The following NAA20 variants were observed in gnomAD, a reference collection of about 807,000 sequenced individuals.
NAA20 encodes the protein N-alpha-acetyltransferase 20, NatB catalytic subunit, also known as N-alpha-acetyltransferase 20.
Under a neutral mutation model 23.8 loss-of-function variants are expected in NAA20, and 24 were observed. The observed-to-expected ratio is 1.01, with a 90% CI of 0.73 to 1.42. The LOEUF (loss-of-function observed/expected upper bound fraction) is 1.42, where lower values mean the gene tolerates loss of function less well. NAA20 is among the 40% of genes most tolerant of loss of function. The pLI is 0.00. For synonymous variants in NAA20, 83 were observed against 77.7 expected, an observed-to-expected ratio of 1.07 and a Z score of -0.36; for missense variants, 166 against 223.1, an observed-to-expected ratio of 0.74 and a Z score of 1.63.
At chr20:20,033,047 A>G in intron 5 of NAA20, 55 bp from the exon 6 acceptor site, 1 of 1,363,840 alleles carries the variant, frequency 7.3e-7, no homozygotes, top group South Asian at 1.2e-5. Context: ...TATACACTTT[A>G]CATTTGATAT....
chr20:20,033,318 G>A lies in NAA20; in HGVS notation c.*131G>A, dbSNP rs1037516689. The A allele has an allele frequency of 1.5e-6, 1 of 658,866 alleles. No homozygotes were observed. 40.8% of individuals were successfully genotyped at this position (658,866 alleles called of 1,614,324 possible). On this transcript the variant is annotated 3_prime_UTR_variant, in exon 6 of 6. Coordinates refer to ENST00000334982, the MANE Select transcript of NAA20 (RefSeq NM_016100.5). ...TCTTAAAGACTTCAAGAAAATACAGGTTATCAATTTATTTTAAATCTCATT... is the reference window on the plus strand; with the variant it reads ...TCTTAAAGACTTCAAGAAAATACAGATTATCAATTTATTTTAAATCTCATT...
At chr20:20,033,058 A>G (rs2043359463) in intron 5 of NAA20, 44 bp from the exon 6 acceptor site, 1 of 1,418,754 alleles carries the variant, frequency 7.0e-7, no homozygotes, top group South Asian at 1.2e-5. Context: ...CATTTGATAT[A>G]ATACATTTTT....
rs1190661998 is a variant in NAA20 at position 20,033,246 on chromosome 20, A to C, written c.*59A>C. On this transcript the variant is annotated 3_prime_UTR_variant, in exon 6 of 6. Coordinates refer to ENST00000334982, the MANE Select transcript of NAA20 (RefSeq NM_016100.5). ...ATGCTTTATGGACAATATTATTTTC[A>C]TTGGATGATTCTGGAGCTCTATTAG... is the stretch of plus-strand genomic sequence containing the variant. The C allele has an allele frequency of 1.5e-6, 2 of 1,361,166 alleles. No individual in the cohort carries two copies. Among genetic ancestry groups the C allele is most frequent in the East Asian group, 4.6e-5 (2 of 43,420 alleles). 84.3% of individuals were successfully genotyped at this position (1,361,166 alleles called of 1,614,324 possible).
intron 2 of NAA20, among the ~76,000 whole-genome samples, chr20:20,025,100 T>A (rs1177269022): frequency 6.6e-6 from 1 of 152,224 alleles, no homozygotes; most frequent in East Asian, 1.9e-4. Flanking sequence ...AAGTCAGCTT[T>A]TATCTGCATT....
intron 1 of NAA20, chr20:20,017,826 T>A (rs2043242008): frequency 6.7e-7 from 1 of 1,499,110 alleles, no homozygotes; most frequent in Admixed American, 2.0e-5. Flanking sequence ...CGCCCTGCCC[T>A]ACTGCTTGCT....
chr20:20,033,458 GTA>G lies in NAA20; in HGVS notation c.*273_*274del. ...ACTCTCATGGTTCATAGTATTCACT[GTA>G]TGTATGCTAGGGAAAAGACTTGCTC... On this transcript the variant is annotated 3_prime_UTR_variant, in exon 6 of 6. Coordinates refer to ENST00000334982, the MANE Select transcript of NAA20 (RefSeq NM_016100.5). 3.1e-6 allele frequency: 1 copy of G among 320,618 alleles called. No homozygotes were observed. Among genetic ancestry groups the G allele is most frequent in the Non-Finnish European group, 5.7e-6 (1 of 173,916 alleles). The allele number at this position is 320,618 out of a possible 1,614,324, so 19.9% of individuals were successfully genotyped here.
In NAA20 at chr20:20,031,047, C is replaced by A. The variant is rs6035527; in HGVS notation, c.306-1461C>A. 3.9e-4 allele frequency among the ~76,000 whole-genome samples: 60 copies of A among 152,110 alleles called. 2 individuals carry two copies. Among genetic ancestry groups the A allele is most frequent in the Non-Finnish European group, 7.4e-5 (5 of 68,020 alleles). On this transcript the variant is annotated intron_variant, in intron 4 of 5. Transcript: ENST00000334982. Reference sequence around the variant, plus strand: ...TTAGAGGATACAGTAAACAGGTAATCGACCGCAGTTCCAATGTAATTGCAG... The same window carrying A: ...TTAGAGGATACAGTAAACAGGTAATAGACCGCAGTTCCAATGTAATTGCAG...
chr20:20,018,205 C>A, intron 1 of NAA20: 2 of 867,462 alleles, frequency 2.3e-6, no homozygotes, highest in South Asian at 3.3e-5. Context: ...TTGCAGGTAC[C>A]AATTTTTTTT....
rs73287585 is a variant in NAA20, at chr20:20,033,492, C to T, written c.*305C>T. On this transcript the variant is annotated 3_prime_UTR_variant, in exon 6 of 6. Coordinates refer to ENST00000334982, the MANE Select transcript of NAA20 (RefSeq NM_016100.5). ...CTAGGGAAAAGACTTGCTCCAGTCT[C>T]CTCCTCAGTTCTGTGCCTGAGAACC... is the stretch of plus-strand genomic sequence containing the variant. 1,388 of 250,278 alleles carry T rather than the reference C, an allele frequency of 5.5e-3. 16 individuals are homozygous for T. The highest frequency in any genetic ancestry group is 0.029 in the African/African-American group (1,309 of 45,326). The allele number at this position is 250,278 out of a possible 1,614,324, so 15.5% of individuals were successfully genotyped here. A position where few individuals can be genotyped will look rare whatever the true frequency, so the allele number is the denominator to read the frequency against.
intron 1 of NAA20, among the ~76,000 whole-genome samples, chr20:20,019,797 G>T (rs1268614968): frequency 6.6e-6 from 1 of 152,146 alleles, no homozygotes; most frequent in Non-Finnish European, 1.5e-5. Context: ...TGTTACCCGG[G>T]CTGGTCTGGA....
chr20:20,023,241 C>T (rs563508471), intron 2 of NAA20, among the ~76,000 whole-genome samples: 85 of 149,888 alleles, frequency 5.7e-4, no homozygotes, highest in African/African-American at 1.8e-3. Flanking sequence ...TGCAGTGAGC[C>T]GAGGTTGCAG....
At chr20:20,020,656 T>G (rs772061353) in intron 1 of NAA20, among the ~76,000 whole-genome samples, 6 of 151,732 alleles carry the variant, frequency 4.0e-5, no homozygotes, top group Non-Finnish European at 5.9e-5. Flanking sequence ...AGATGGAAAT[T>G]TGGGGGTCAG....
chr20:20,027,065 T>G (rs565349261), intron 4 of NAA20, 146 bp downstream of exon 4: 4 of 1,178,514 alleles, frequency 3.4e-6, no homozygotes, highest in Non-Finnish European at 3.6e-6. Flanking sequence ...TTCTATCACA[T>G]AGTCAAAGTG....
At chr20:20,033,055 TATA>T (rs774343851) in intron 5 of NAA20, 44 bp from the exon 6 acceptor site, 11 of 1,400,596 alleles carry the variant, frequency 7.9e-6, no homozygotes, top group African/African-American at 1.4e-5. Flanking sequence ...TTACATTTGA[TATA>T]ATACATTTTT....
chr20:20,018,079 C>G, intron 1 of NAA20: 1 of 1,614,024 alleles, frequency 6.2e-7, no homozygotes. Flanking sequence ...AGCTGCGCAC[C>G]CCGGTGTACA....
At chr20:20,024,560 T>G (rs2043294489) in intron 2 of NAA20, among the ~76,000 whole-genome samples, 1 of 152,156 alleles carries the variant, frequency 6.6e-6, no homozygotes, top group Admixed American at 6.6e-5. Flanking sequence ...GAAGGAAGGA[T>G]TTTAGGATGC....
intron 1 of NAA20, chr20:20,019,017 C>T (rs1230360329): frequency 2.7e-6 from 2 of 732,078 alleles, no homozygotes; most frequent in Non-Finnish European, 1.7e-6. Context: ...CTTAACCCAC[C>T]TGGAGCCTCT....
chr20:20,025,572 G>A (rs2043301144), intron 2 of NAA20, 105 bp from the exon 3 acceptor site: 2 of 778,036 alleles, frequency 2.6e-6, no homozygotes, highest in South Asian at 3.1e-5. Context: ...CAGAGCTGGG[G>A]ATAAAGTAAC....
chr20:20,030,398 T>C (rs2043334810), intron 4 of NAA20, among the ~76,000 whole-genome samples: 1 of 152,096 alleles, frequency 6.6e-6, no homozygotes, highest in African/African-American at 2.4e-5. Context: ...AACTGGGAAA[T>C]AGAAAGGGGG....
Sources: gnomAD v4.1 joint callset for allele counts (sites outside exome capture counted in the v4.1 genomes callset) on GRCh38, gnomAD v4.1.1 for gene constraint, MANE v1.5 for transcripts, NCBI Gene and HGNC (gene_info 2026-07-23, HGNC 2026-07-21) for gene names.